ABCB5: variants seen among roughly 807,000 people sequenced by gnomAD.
The protein encoded by ABCB5 is ATP binding cassette subfamily B member 5.
In ABCB5, 155 loss-of-function variants were observed where a neutral mutation model predicts 144.2. The ratio of observed to expected loss-of-function variants is 1.08; its 90% CI spans 0.94 to 1.23. The LOEUF is 1.23. Ranked by LOEUF, ABCB5 falls within the 50% of genes most tolerant of loss-of-function variation. The pLI is 0.00. For missense variants in ABCB5, 1,830 were observed against 1,520.8 expected (o/e 1.20, Z -3.38); for synonymous variants, 610 against 528.6 (o/e 1.15, Z -2.11).
chr7:20,621,775 C>T (rs1346234156), intron 1 of ABCB5, among the ~76,000 whole-genome samples: 2 of 152,112 alleles, frequency 1.3e-5, no homozygotes, highest in Non-Finnish European at 2.9e-5. Context: ...AAAATCAACG[C>T]CTTGCGTAAA....
At chr7:20,662,242 C>T (rs1785025889) in intron 14 of ABCB5, among the ~76,000 whole-genome samples, 1 of 152,210 alleles carries the variant, frequency 6.6e-6, no homozygotes, top group Non-Finnish European at 1.5e-5. Flanking sequence ...TCTTTGAAAA[C>T]ACAGGGTTGC....
chr7:20,624,819 TGAC>T (rs1340301390), intron 2 of ABCB5, among the ~76,000 whole-genome samples: 13 of 152,236 alleles, frequency 8.5e-5, no homozygotes, highest in Admixed American at 7.2e-4. Flanking sequence ...AGTGCGGCTG[TGAC>T]CCGCACAATG....
intron 26 of ABCB5, among the ~76,000 whole-genome samples, chr7:20,748,959 C>G (rs780137802): frequency 6.6e-6 from 1 of 152,150 alleles, no homozygotes; most frequent in Non-Finnish European, 1.5e-5. Context: ...ATTTCTTTTA[C>G]TTTTACTACA....
intron 1 of ABCB5, among the ~76,000 whole-genome samples, chr7:20,617,865 A>T (rs1048038782): frequency 1.3e-5 from 2 of 152,180 alleles, no homozygotes; most frequent in African/African-American, 4.8e-5. Flanking sequence ...TTTATAAGAG[A>T]CAACAAAGAA....
At chr7:20,619,664 C>T (rs1783767213) in intron 1 of ABCB5, among the ~76,000 whole-genome samples, 1 of 152,108 alleles carries the variant, frequency 6.6e-6, no homozygotes, top group African/African-American at 2.4e-5. Flanking sequence ...TCTTGCTGTG[C>T]AGAAGCTCTT....
chr7:20,712,562 T>A (rs1781521834), intron 20 of ABCB5, among the ~76,000 whole-genome samples: 1 of 149,884 alleles, frequency 6.7e-6, no homozygotes, highest in South Asian at 2.1e-4. Context: ...TGTTCATTTT[T>A]TTCTGCATTT....
chr7:20,628,717 AC>A lies in ABCB5; in HGVS notation c.139del (p.Leu47SerfsTer2). 6.2e-7 allele frequency: 1 copy of A among 1,613,294 alleles called. No homozygotes were observed. The highest frequency in any genetic ancestry group is 8.5e-7 in the Non-Finnish European group (1 of 1,179,694). ...FRFADGLDIT[L>X]MILGILASLV... ...GCTTTGCTGATGGACTGGACATCAC[AC>A]TCATGATCCTGGGTATACTGGCATC... is the stretch of plus-strand genomic sequence containing the variant. On this transcript the variant is annotated frameshift_variant, in exon 4 of 28. Transcript: ENST00000404938. LOFTEE classifies it high-confidence loss of function.
intron 14 of ABCB5, among the ~76,000 whole-genome samples, chr7:20,661,280 A>G (rs914207833): frequency 2.0e-5 from 3 of 152,214 alleles, no homozygotes; most frequent in African/African-American, 7.2e-5. Flanking sequence ...CCTGCTTCTT[A>G]AACATACCCT....
intron 2 of ABCB5, among the ~76,000 whole-genome samples, chr7:20,625,110 T>C (rs970472067): frequency 6.6e-6 from 1 of 152,194 alleles, no homozygotes; most frequent in African/African-American, 2.4e-5. Context: ...AAAATCCGCA[T>C]CTAGAGGTGA....
Position 20,699,908 on chromosome 7 carries a change from CT to C in ABCB5, c.2241del (p.Phe747LeufsTer18), listed in dbSNP as rs755702149. 44 of 1,612,282 alleles carry C rather than the reference CT, an allele frequency of 2.7e-5. No individual in the cohort carries two copies. The highest frequency in any genetic ancestry group is 3.3e-5 in the Non-Finnish European group (39 of 1,179,086). ...TATTCGTCATTTTGGGTGTTATTTG[CT>C]TTGTCAGTTATTTCATGCAGGTAAG... ...MIFVILGVIC[F>X]VSYFMQGLFY... On this transcript the variant is annotated frameshift_variant, in exon 18 of 28. Transcript: ENST00000404938. LOFTEE classifies it high-confidence loss of function.
chr7:20,752,147 A>G (rs1478777303), intron 26 of ABCB5, among the ~76,000 whole-genome samples: 2 of 152,212 alleles, frequency 1.3e-5, no homozygotes, highest in African/African-American at 4.8e-5. Flanking sequence ...ATCACAAGCT[A>G]CATGTGAAAT....
chr7:20,732,232 C>T (rs1782243984), intron 23 of ABCB5, among the ~76,000 whole-genome samples: 1 of 152,168 alleles, frequency 6.6e-6, no homozygotes, highest in Non-Finnish European at 1.5e-5. Context: ...TGCTAAGCTA[C>T]CTTTTTCTTA....
intron 14 of ABCB5, among the ~76,000 whole-genome samples, chr7:20,680,394 T>TA (rs1785751374): frequency 6.6e-6 from 1 of 151,902 alleles, no homozygotes; most frequent in South Asian, 2.1e-4. Flanking sequence ...CTGTCTCTAC[T>TA]AAAAATGAAA....
intron 16 of ABCB5, 84 bp downstream of exon 16, chr7:20,685,920 G>A (rs559968904): frequency 1.0e-4 from 137 of 1,350,866 alleles, no homozygotes; most frequent in Non-Finnish European, 1.3e-4. Context: ...TTTATTTATA[G>A]TAAAATATTA....
rs765843788 is a variant in ABCB5, at chr7:20,648,037, A to T, written c.1165A>T (p.Lys389Ter). The T allele has an allele frequency of 3.1e-6, 5 of 1,611,176 alleles. No individual in the cohort carries two copies. Among genetic ancestry groups the T allele is most frequent in the Non-Finnish European group, 2.5e-6 (3 of 1,177,952 alleles). ...ATCCATAGAAGGAACTGTGGAATTT[A>T]AAAATGTTTCTTTCAATTATCCATC... ...PESIEGTVEF[K>*]NVSFNYPSRP... is the part of the protein sequence containing the mutation. The change falls in exon 11 of 28, where the codon AAA (lysine) becomes TAA (stop). Residue 389 changes from lysine to a stop codon, truncating the protein, a stop_gained. Coordinates refer to ENST00000404938, the MANE Select transcript of ABCB5 (RefSeq NM_001163941.2). LOFTEE classifies it high-confidence loss of function.
At chr7:20,659,134 C>G (rs1362408611) in intron 14 of ABCB5, 8 of 1,613,928 alleles carry the variant, frequency 5.0e-6, no homozygotes, top group Non-Finnish European at 6.8e-6. Context: ...TGAACCAGCG[C>G]CCTTCGACAG....
At chr7:20,720,892 C>G (rs1318608245) in intron 20 of ABCB5, among the ~76,000 whole-genome samples, 1 of 130,360 alleles carries the variant, frequency 7.7e-6, no homozygotes, top group Non-Finnish European at 1.5e-5. Flanking sequence ...TGCAGTGAGT[C>G]GAGATCGCGC....
rs202214445 is a variant in ABCB5, at chr7:20,627,431, CCATT to C, written c.108+824_108+827del. Among the ~76,000 whole-genome samples the C allele has an allele frequency of 2.7e-3, 411 of 152,100 alleles. 9 individuals are homozygous for C. The highest frequency in any genetic ancestry group is 0.021 in the Admixed American group (323 of 15,252). On this transcript the variant is annotated intron_variant, in intron 3 of 27. Transcript: ENST00000404938. ...GAATGGAAAAATAATATTTTGGTCT[CCATT>C]CATAAAATATGCAGTAAGTTCCTCT...
At chr7:20,723,547 A>G (rs527412324) in intron 21 of ABCB5, among the ~76,000 whole-genome samples, 6 of 152,372 alleles carry the variant, frequency 3.9e-5, no homozygotes, top group African/African-American at 1.4e-4. Flanking sequence ...TCTCATCTGC[A>G]AAGTGGGAAT....
Sources: gnomAD v4.1 joint callset for allele counts (sites outside exome capture counted in the v4.1 genomes callset) on GRCh38, gnomAD v4.1.1 for gene constraint, MANE v1.5 for transcripts, NCBI Gene and HGNC (gene_info 2026-07-23, HGNC 2026-07-21) for gene names.